The following CLCN7 variants were observed in gnomAD, a reference collection of about 807,000 sequenced individuals.
The protein encoded by CLCN7 is Cl-/H+ antiporter 7, also known as H(+)/Cl(-) exchange transporter 7.
Under a neutral mutation model 102.1 loss-of-function variants are expected in CLCN7, and 60 were observed. That is an observed-to-expected ratio of 0.59 (90% CI 0.48 to 0.73). CLCN7 has a LOEUF of 0.73. Ranked by LOEUF, CLCN7 falls within the 30% of genes least tolerant of loss-of-function variation. CLCN7 has a pLI of 0.00. For missense variants in CLCN7, 962 were observed against 1,125.7 expected, an observed-to-expected ratio of 0.85 and a Z score of 2.08; for synonymous variants, 560 against 490.5, an observed-to-expected ratio of 1.14 and a Z score of -1.87.
Position 1,461,064 on chromosome 16 carries a change from C to T in CLCN7, c.352-116G>A, listed in dbSNP as rs986341168. Reference sequence around the variant, plus strand: ...GGGATTATGAAGGGCCCAGTGTGCACGGTGCGCTGAGTCCCACAAAGGACA... The same window carrying T: ...GGGATTATGAAGGGCCCAGTGTGCATGGTGCGCTGAGTCCCACAAAGGACA... On this transcript the variant is annotated intron_variant, in intron 4 of 24. Transcript: ENST00000382745. The T allele has an allele frequency of 2.5e-5, 33 of 1,339,298 alleles. No individual in the cohort carries two copies. In the East Asian group the frequency reaches 2.8e-4, roughly 11 times the overall value. 83.0% of individuals were successfully genotyped at this position (1,339,298 alleles called of 1,614,324 possible).
At position 1,474,961 on chromosome 16, in the gene CLCN7, G is replaced by A. The variant is rs745864670; in HGVS notation, c.14C>T (p.Ser5Phe). 3 of 1,489,350 alleles carry A rather than the reference G, an allele frequency of 2.0e-6. No homozygotes were observed. The highest frequency in any genetic ancestry group is 2.7e-6 in the Non-Finnish European group (3 of 1,124,230). 92.3% of individuals were successfully genotyped at this position (1,489,350 alleles called of 1,614,324 possible). A position where few individuals can be genotyped will look rare whatever the true frequency, so the allele number is the denominator to read the frequency against. Residue 5 changes from serine to phenylalanine, a missense_variant, in exon 1 of 25, where the codon TCT becomes TTT. Ser to Phe is a radical substitution (Grantham distance 155). Transcript: ENST00000382745. MANV[S>F]KKVSWSGRDR... ...CCGGCCGGACCAGGACACCTTCTTA[G>A]AGACGTTGGCCATGGCCCGCCGCGG...
At chr16:1,461,330 A>G in intron 4 of CLCN7, 75 bp downstream of exon 4, 1 of 1,313,036 alleles carries the variant, frequency 7.6e-7, no homozygotes, top group Non-Finnish European at 1.1e-6. Context: ...TCACCCCGGC[A>G]GAAGAGCAGC....
intron 21 of CLCN7, 89 bp from the exon 22 acceptor site, chr16:1,447,803 C>A: frequency 1.4e-6 from 2 of 1,419,474 alleles, no homozygotes; most frequent in South Asian, 1.2e-5. Context: ...TGACCCTGTT[C>A]CGGCCAGATT....
At position 1,460,404 on chromosome 16, in the gene CLCN7, A is replaced by G; in HGVS notation, c.594+14T>C. 6.2e-7 allele frequency: 1 copy of G among 1,600,044 alleles called. No homozygotes were observed. On this transcript the variant is annotated intron_variant, in intron 6 of 24. Transcript: ENST00000382745. The stretch of plus-strand genomic sequence containing the variant: ...TCATGGGGTCCGCCATAGCTGCGGC[A>G]TCCTGCCACCCACCTCTATGAAAGC...
At chr16:1,449,726 C>T (rs1196178156) in intron 17 of CLCN7, 7 of 267,792 alleles carry the variant, frequency 2.6e-5, no homozygotes, top group Non-Finnish European at 4.3e-5. Context: ...GCACGAGGGT[C>T]GGTGGGCACA....
intron 1 of CLCN7, chr16:1,474,144 T>C (rs775420368): frequency 5.0e-5 from 23 of 455,868 alleles, no homozygotes; most frequent in Non-Finnish European, 9.7e-5. Context: ...CCGCAACGGT[T>C]CTCCAGACCT....
chr16:1,467,024 G>A (rs57119162), intron 1 of CLCN7, among the ~76,000 whole-genome samples: 8,516 of 146,788 alleles, frequency 0.058, 762 homozygotes, highest in African/African-American at 0.19. Context: ...ACCAGCCACC[G>A]TCGCCCTTGC....
intron 1 of CLCN7, chr16:1,471,756 C>G (rs1469519478): frequency 6.6e-6 from 1 of 152,250 alleles, no homozygotes; most frequent in Non-Finnish European, 1.5e-5. Flanking sequence ...GTCCGATGCT[C>G]AGAGCACAAA....
rs553894982 is a variant in CLCN7, at chr16:1,453,484, G to A, written c.1214+350C>T. On this transcript the variant is annotated intron_variant, in intron 14 of 24. Transcript: ENST00000382745. The stretch of plus-strand genomic sequence containing the variant: ...AGCACAGACCAAGAAGGAAGAAGCC[G>A]GGGGGCCCCGGTGTCCCAGGACAGC... 1.3e-4 allele frequency among the ~76,000 whole-genome samples: 20 copies of A among 152,316 alleles called. No homozygotes were observed. The East Asian group carries it at 2.7e-3, about 21-fold the overall frequency.
At chr16:1,462,677 A>AC (rs1555466084) in intron 2 of CLCN7, among the ~76,000 whole-genome samples, 11 of 146,936 alleles carry the variant, frequency 7.5e-5, no homozygotes, top group Admixed American at 2.1e-4. Flanking sequence ...AAAAAAAAAA[A>AC]AAAAAAAAAA....
chr16:1,448,662 G>C lies in CLCN7; in HGVS notation c.1883+19C>G, dbSNP rs2038693175. The C allele has an allele frequency of 6.2e-7, 1 of 1,612,296 alleles. No individual in the cohort carries two copies. Among genetic ancestry groups the C allele is most frequent in the African/African-American group, 1.3e-5 (1 of 75,042 alleles). ...CCGCTGGACACCCTCCCCACCCACAGGTGTCCTGGGCGCTGTACCTGGCAG... is the reference window on the plus strand; with the variant it reads ...CCGCTGGACACCCTCCCCACCCACACGTGTCCTGGGCGCTGTACCTGGCAG... On this transcript the variant is annotated intron_variant, in intron 20 of 24. Coordinates refer to ENST00000382745, the MANE Select transcript of CLCN7 (RefSeq NM_001287.6).
intron 24 of CLCN7, 26 bp from the exon 25 acceptor site, chr16:1,446,743 GAC>G (rs762199240): frequency 6.5e-7 from 1 of 1,549,504 alleles, no homozygotes; most frequent in South Asian, 1.2e-5. Context: ...AGGCCACAGT[GAC>G]ACACGGGTCG....
chr16:1,448,305 A>G (rs1029844463), intron 21 of CLCN7, 50 bp downstream of exon 21: 1 of 1,606,222 alleles, frequency 6.2e-7, no homozygotes, highest in African/African-American at 1.3e-5. Context: ...CCACCAATGG[A>G]CTCGACAGAG....
chr16:1,464,752 T>TGAAC (rs2038981887), intron 2 of CLCN7, among the ~76,000 whole-genome samples: 1 of 151,950 alleles, frequency 6.6e-6, no homozygotes, highest in African/African-American at 2.4e-5. Flanking sequence ...AGACGATGAG[T>TGAAC]GAACGGCCAG....
chr16:1,461,720 C>T, intron 2 of CLCN7, 46 bp from the exon 3 acceptor site: 1 of 1,524,202 alleles, frequency 6.6e-7, no homozygotes. Context: ...GACAAGGCCA[C>T]AAGGAGAGAG....
At chr16:1,461,790 C>T in intron 2 of CLCN7, 116 bp from the exon 3 acceptor site, 2 of 900,170 alleles carry the variant, frequency 2.2e-6, no homozygotes, top group Non-Finnish European at 3.6e-6. Flanking sequence ...AAGGACACAG[C>T]AAGAGAACTG....
In CLCN7 at chr16:1,455,781, T is replaced by C; in HGVS notation, c.931A>G (p.Ser311Gly). 6.2e-7 allele frequency: 1 copy of C among 1,613,576 alleles called. No homozygotes were observed. The highest frequency in any genetic ancestry group is 8.5e-7 in the Non-Finnish European group (1 of 1,180,008). The change falls in exon 11 of 25, where the codon AGC (serine) becomes GGC (glycine). Residue 311 changes from serine (S) to glycine (G), a missense_variant. Around this residue, in one of 2 missense-constraint regions of CLCN7, gnomAD observed 799 missense variants for 988.0 expected, o/e 0.81. Coordinates refer to ENST00000382745, the MANE Select transcript of CLCN7 (RefSeq NM_001287.6). ...CAGAAGGACGCACCCTCCTCCAAGC[T>C]GAACAGGACCCCACCTGGAAGGCAG... ...FGAPVGGVLF[S>G]LEEGASFWNQ...
At chr16:1,466,195 G>C (rs1182036836) in intron 1 of CLCN7, among the ~76,000 whole-genome samples, 1 of 152,240 alleles carries the variant, frequency 6.6e-6, no homozygotes, top group African/African-American at 2.4e-5. Context: ...GAAAGTGTTG[G>C]CGGAGGAGTC....
At chr16:1,446,842 G>A (rs2038654051) in intron 24 of CLCN7, 125 bp from the exon 25 acceptor site, 6 of 1,120,080 alleles carry the variant, frequency 5.4e-6, no homozygotes, top group Admixed American at 2.0e-5. Context: ...CACAGCCCCC[G>A]AGCTGAGCAC....
Sources: gnomAD v4.1 joint callset for allele counts (sites outside exome capture counted in the v4.1 genomes callset) on GRCh38, gnomAD v4.1.1 for gene constraint, gnomAD v4.1.1 regional missense constraint, MANE v1.5 for transcripts, NCBI Gene and HGNC (gene_info 2026-07-23, HGNC 2026-07-21) for gene names.